The following HDX variants were observed in gnomAD, a reference collection of about 807,000 sequenced individuals.
HDX encodes chromosome X open reading frame 43.
In HDX, 19 loss-of-function variants were observed where a neutral mutation model predicts 45.2. The ratio of observed to expected loss-of-function variants is 0.42; its 90% CI spans 0.29 to 0.62. HDX has a LOEUF of 0.62. Ranked by LOEUF, HDX falls within the 20% of genes least tolerant of loss-of-function variation. The pLI, the probability that HDX is intolerant of heterozygous loss-of-function variation, is 0.20. For missense variants in HDX, 532 were observed against 493.9 expected (o/e 1.08, Z -0.73); for synonymous variants, 188 against 172.8 (o/e 1.09, Z -0.69).
At position 84,321,920 on chromosome X, in the gene HDX, AAAG is replaced by A. The variant is rs1394989676; in HGVS notation, c.2039_2041del (p.Ser680del). 1.2e-5 allele frequency: 14 copies of A among 1,187,944 alleles called. No homozygotes were observed. Among genetic ancestry groups the A allele is most frequent in the Admixed American group, 2.2e-5 (1 of 44,561 alleles). ...ACTTTCTGAGACATTTTTCTCTGACAAAGAAGATACACTGAATGAGGTATCATC... is the reference window on the plus strand; with the variant it reads ...ACTTTCTGAGACATTTTTCTCTGACAAAGATACACTGAATGAGGTATCATC... On this transcript the variant is annotated inframe_deletion, in exon 11 of 11. Coordinates refer to ENST00000373177, the MANE Select transcript of HDX (RefSeq NM_001177479.2).
chrX:84,469,375 T>C lies in HDX; in HGVS notation c.348A>G (p.Ser116=), dbSNP rs759154249. The C allele has an allele frequency of 8.3e-7, 1 of 1,209,893 alleles. No homozygotes were observed. The highest frequency in any genetic ancestry group is 1.7e-5 in the African/African-American group (1 of 57,700). The part of the protein sequence containing the change: ...IVTGIYSPAS[S]SSRQGTNKHT... Reference sequence around the variant, plus strand: ...GTTTGTTTGTTCCTTGCCTACTTGATGAACTGGCTGGACTGTATATACCAG... The same window carrying C: ...GTTTGTTTGTTCCTTGCCTACTTGACGAACTGGCTGGACTGTATATACCAG... Residue 116 remains serine (S), a synonymous_variant, in exon 4 of 11, where the codon TCA becomes TCG. Coordinates refer to ENST00000373177, the MANE Select transcript of HDX (RefSeq NM_001177479.2).
chrX:84,484,980 T>TTA (rs754843659), intron 2 of HDX, among the ~76,000 whole-genome samples: 5,171 of 110,675 alleles, frequency 0.047, 296 homozygotes, highest in African/African-American at 0.16. Flanking sequence ...ATAAAGTATA[T>TTA]ATTGTCATTC....
intron 4 of HDX, among the ~76,000 whole-genome samples, chrX:84,446,453 G>C: frequency 8.9e-6 from 1 of 111,942 alleles, no homozygotes; most frequent in Non-Finnish European, 1.9e-5. Flanking sequence ...GGCTGGAATA[G>C]AATGGTTACC....
intron 1 of HDX, among the ~76,000 whole-genome samples, chrX:84,493,411 C>T (rs2040933351): frequency 8.9e-6 from 1 of 111,814 alleles, no homozygotes; most frequent in Non-Finnish European, 1.9e-5. Flanking sequence ...TCACTGACCT[C>T]GCTTTAAAAC....
intron 9 of HDX, 65 bp from the exon 10 acceptor site, chrX:84,326,365 G>A (rs1016942428): frequency 2.1e-5 from 17 of 828,398 alleles, no homozygotes; most frequent in African/African-American, 4.1e-5. Context: ...CATGTTTGAT[G>A]CACAATAAAA....
chrX:84,431,131 GT>G (rs1259112484), intron 5 of HDX, among the ~76,000 whole-genome samples: 4 of 110,425 alleles, frequency 3.6e-5, no homozygotes, highest in Non-Finnish European at 7.6e-5. Context: ...TTTGTTTTCT[GT>G]TCCTGTGTTA....
At position 84,361,552 on chromosome X, in the gene HDX, T is replaced by C; in HGVS notation, c.1366A>G (p.Asn456Asp). 1 of 1,204,853 alleles carries C rather than the reference T, an allele frequency of 8.3e-7. No homozygotes were observed. Among genetic ancestry groups the C allele is most frequent in the African/African-American group, 1.7e-5 (1 of 57,725 alleles). The change falls in exon 6 of 11, where the codon AAT (asparagine) becomes GAT (aspartate). Residue 456 changes from asparagine to aspartate, a missense_variant. Asn to Asp is a conservative substitution (Grantham distance 23). Transcript: ENST00000373177. The part of the protein sequence containing the change: ...DLATLKKYWD[N>D]GMTSLGSVCR... ...ACAGAGCCCAGGCTGGTCATGCCAT[T>C]GTCCCAATACTTCTTAAGGGTGGCT...
intron 5 of HDX, among the ~76,000 whole-genome samples, chrX:84,408,250 T>C (rs1299666097): frequency 9.0e-6 from 1 of 111,233 alleles, no homozygotes; most frequent in African/African-American, 3.3e-5. Flanking sequence ...AGTTTCAGTG[T>C]TCCACATATG....
chrX:84,405,900 G>C (rs965253999), intron 5 of HDX, among the ~76,000 whole-genome samples: 11 of 110,220 alleles, frequency 1.0e-4, no homozygotes, highest in African/African-American at 3.6e-4. Flanking sequence ...AAATAAGCCT[G>C]TCTGGTATTT....
intron 5 of HDX, among the ~76,000 whole-genome samples, chrX:84,392,144 T>C (rs2038456123): frequency 8.9e-6 from 1 of 111,884 alleles, no homozygotes; most frequent in Non-Finnish European, 1.9e-5. Context: ...GAATATTTGA[T>C]TTTCCAAGCA....
rs2040396905 is a variant in HDX at position 84,468,555 on chromosome X, T to C, written c.1168A>G (p.Thr390Ala). The change falls in exon 4 of 11, where the codon ACC becomes GCC. Residue 390 changes from threonine to alanine, a missense_variant. Transcript: ENST00000373177. ...GAAAAATTACTCCGTAATGGATTGG[T>C]ATTACTGTACATTGTACTAGATGCT... Reference protein sequence around the residue: ...HTASSTMYSNTNPLRSNFSPH... With the variant: ...HTASSTMYSNANPLRSNFSPH... The C allele has an allele frequency of 1.7e-6, 2 of 1,184,719 alleles. No homozygotes were observed. The highest frequency in any genetic ancestry group is 2.3e-6 in the Non-Finnish European group (2 of 870,842).
At chrX:84,368,053 T>C (rs1441930215) in intron 5 of HDX, among the ~76,000 whole-genome samples, 2 of 111,894 alleles carry the variant, frequency 1.8e-5, no homozygotes, top group African/African-American at 6.5e-5. Context: ...CAGAAATGCA[T>C]GATGGTCCCT....
intron 3 of HDX, among the ~76,000 whole-genome samples, chrX:84,474,063 G>T (rs1225976668): frequency 8.9e-6 from 1 of 111,978 alleles, no homozygotes; most frequent in East Asian, 2.8e-4. Flanking sequence ...GGTCGAGGCG[G>T]GCAGATCATC....
At position 84,321,796 on chromosome X, in the gene HDX, T is replaced by C. The variant is rs2036602086; in HGVS notation, c.*93A>G. 2.7e-6 allele frequency: 2 copies of C among 730,690 alleles called. No individual in the cohort carries two copies. The highest frequency in any genetic ancestry group is 3.9e-6 in the Non-Finnish European group (2 of 512,209). The allele number at this position is 730,690 out of a possible 1,213,427, so 60.2% of individuals were successfully genotyped here. A position where few individuals can be genotyped will look rare whatever the true frequency, so the allele number is the denominator to read the frequency against. The stretch of plus-strand genomic sequence containing the variant: ...CGTTTCAACAATGTGTTTTCCCAAC[T>C]AAAGAATACCAGGGCAACAGAATGC... On this transcript the variant is annotated 3_prime_UTR_variant, in exon 11 of 11. Coordinates refer to ENST00000373177, the MANE Select transcript of HDX (RefSeq NM_001177479.2).
intron 2 of HDX, among the ~76,000 whole-genome samples, chrX:84,477,019 C>T (rs779208922): frequency 3.6e-5 from 4 of 111,711 alleles, no homozygotes; most frequent in Non-Finnish European, 7.5e-5. Context: ...TTCAAGGATG[C>T]GTGGGCAAGT....
At chrX:84,369,767 G>A (rs941549925) in intron 5 of HDX, among the ~76,000 whole-genome samples, 14 of 112,195 alleles carry the variant, frequency 1.2e-4, no homozygotes, top group Middle Eastern at 4.6e-3. Flanking sequence ...TCCCATTCAA[G>A]TCCTTTGCCC....
chrX:84,425,558 T>C (rs907778010), intron 5 of HDX, among the ~76,000 whole-genome samples: 7 of 111,724 alleles, frequency 6.3e-5, no homozygotes, highest in Admixed American at 2.9e-4. Context: ...TTTGGAAGCA[T>C]CTGTCCATCA....
intron 5 of HDX, among the ~76,000 whole-genome samples, chrX:84,404,199 A>G (rs2038766492): frequency 8.9e-6 from 1 of 112,068 alleles, no homozygotes; most frequent in African/African-American, 3.2e-5. Flanking sequence ...TCCTGACAAG[A>G]ATTGATTGAT....
intron 1 of HDX, among the ~76,000 whole-genome samples, chrX:84,492,191 A>G (rs1319939284): frequency 9.0e-6 from 1 of 111,302 alleles, no homozygotes; most frequent in African/African-American, 3.3e-5. Context: ...GGACATTCAT[A>G]AGGCTCATCT....
Sources: gnomAD v4.1 joint callset for allele counts (sites outside exome capture counted in the v4.1 genomes callset) on GRCh38, gnomAD v4.1.1 for gene constraint, MANE v1.5 for transcripts, NCBI Gene and HGNC (gene_info 2026-07-23, HGNC 2026-07-21) for gene names.